Variants in GPLD1 observed in about 807,000 individuals in gnomAD.
GPLD1 encodes glycosylphosphatidylinositol specific phospholipase D1, also known as phosphatidylinositol-glycan-specific phospholipase D.
A neutral mutation model predicts 112.6 loss-of-function variants in GPLD1; 84 were observed. The observed-to-expected ratio is 0.75, with a 90% confidence interval of 0.63 to 0.89. The LOEUF is 0.89. GPLD1 is among the 40% of genes least tolerant of loss of function. The probability of loss-of-function intolerance (pLI) is 0.00; values close to 1 mark genes in which losing one functional copy is unlikely to be tolerated. For synonymous variants in GPLD1, 386 were observed against 403.8 expected (o/e 0.96, Z 0.53); for missense variants, 1,044 against 1,051.5 (o/e 0.99, Z 0.10).
chr6:24,445,663 T>G (rs371403371), intron 19 of GPLD1, 24 bp from the exon 20 acceptor site: 82 of 1,605,720 alleles, frequency 5.1e-5, no homozygotes, highest in Non-Finnish European at 6.1e-5. Flanking sequence ...TAAATCAATA[T>G]TGTATAGGTG....
At chr6:24,450,926 C>T (rs1024723183) in intron 14 of GPLD1, among the ~76,000 whole-genome samples, 3 of 152,204 alleles carry the variant, frequency 2.0e-5, no homozygotes, top group African/African-American at 7.2e-5. Flanking sequence ...GAGCCGAGAT[C>T]ATGCCACTGC....
intron 10 of GPLD1, among the ~76,000 whole-genome samples, chr6:24,464,283 G>A (rs2817244): frequency 1.3e-5 from 2 of 151,966 alleles, no homozygotes; most frequent in Non-Finnish European, 2.9e-5. Flanking sequence ...TATAGGTGAG[G>A]AAATAAGATT....
At position 24,440,909 on chromosome 6, in the gene GPLD1, C is replaced by T. The variant is rs529455374; in HGVS notation, c.2021-3620G>A. 4.6e-5 allele frequency among the ~76,000 whole-genome samples: 7 copies of T among 152,196 alleles called. No homozygotes were observed. In the South Asian group the frequency reaches 1.2e-3, roughly 27 times the overall value. ...CATTTAGGCTATTTCTAGCTTTTTA[C>T]TACTATAAACAATACAGCCATCCCT... On this transcript the variant is annotated intron_variant, in intron 20 of 24. Coordinates refer to ENST00000230036, the MANE Select transcript of GPLD1 (RefSeq NM_001503.4).
In GPLD1 at chr6:24,454,110, C is replaced by CGATGTG; in HGVS notation, c.1234_1239dup (p.His412_Ile413dup). 6.2e-7 allele frequency: 1 copy of CGATGTG among 1,614,060 alleles called. No homozygotes were observed. Among genetic ancestry groups the CGATGTG allele is most frequent in the Non-Finnish European group, 8.5e-7 (1 of 1,179,940 alleles). On this transcript the variant is annotated inframe_insertion, in exon 14 of 25. Transcript: ENST00000230036. Reference sequence around the variant, plus strand: ...TTGCCGTAGATGAGGTACACGCGCCCGATGTGGATGTGGCCGGGGCGGCTG... The same window carrying CGATGTG: ...TTGCCGTAGATGAGGTACACGCGCCCGATGTGGATGTGGATGTGGCCGGGGCGGCTG...
chr6:24,486,849 C>T (rs1764393872), intron 1 of GPLD1, among the ~76,000 whole-genome samples: 2 of 151,956 alleles, frequency 1.3e-5, no homozygotes, highest in Non-Finnish European at 2.9e-5. Flanking sequence ...TCATATTTTG[C>T]TTCAGTACTG....
At chr6:24,466,194 A>C (rs1420032623) in intron 10 of GPLD1, among the ~76,000 whole-genome samples, 1 of 152,248 alleles carries the variant, frequency 6.6e-6, no homozygotes, top group Non-Finnish European at 1.5e-5. Context: ...AAAATACAAA[A>C]AAATTAGCCA....
At chr6:24,473,820 T>TA (rs1238894116) in intron 5 of GPLD1, among the ~76,000 whole-genome samples, 153 bp from the exon 6 acceptor site, 2 of 151,914 alleles carry the variant, frequency 1.3e-5, no homozygotes, top group Admixed American at 6.6e-5. Flanking sequence ...ATTTTATTAG[T>TA]AAAAAAATAA....
chr6:24,447,153 C>T (rs1762936473), intron 17 of GPLD1, among the ~76,000 whole-genome samples, 174 bp from the exon 18 acceptor site: 1 of 152,122 alleles, frequency 6.6e-6, no homozygotes, highest in African/African-American at 2.4e-5. Context: ...TTGAATCTCA[C>T]TCTTCATACA....
At chr6:24,433,130 C>T in intron 24 of GPLD1, 57 bp downstream of exon 24, 2 of 1,176,424 alleles carry the variant, frequency 1.7e-6, no homozygotes, top group Non-Finnish European at 2.6e-6. Flanking sequence ...GTGAGACCAC[C>T]AAATCCCACC....
chr6:24,475,351 G>T, intron 4 of GPLD1, 120 bp from the exon 5 acceptor site: 1 of 640,634 alleles, frequency 1.6e-6, no homozygotes. Flanking sequence ...AAAATTTCAG[G>T]CAAGTAAATT....
At chr6:24,478,119 T>C (rs1214788443) in intron 3 of GPLD1, among the ~76,000 whole-genome samples, 2 of 152,172 alleles carry the variant, frequency 1.3e-5, no homozygotes, top group Non-Finnish European at 2.9e-5. Context: ...TTAAGCAATG[T>C]TGCTCAAATT....
intron 14 of GPLD1, among the ~76,000 whole-genome samples, chr6:24,451,332 CTT>C (rs76706819): frequency 0.034 from 5,206 of 151,674 alleles, 93 homozygotes; most frequent in Middle Eastern, 0.082. Context: ...AATTCTTTCT[CTT>C]TTTTTTGTTT....
At chr6:24,487,803 C>T (rs1180714771) in intron 1 of GPLD1, among the ~76,000 whole-genome samples, 1 of 152,166 alleles carries the variant, frequency 6.6e-6, no homozygotes, top group East Asian at 1.9e-4. Context: ...TCTAGCAGTA[C>T]ATTTTTAATG....
chr6:24,472,717 G>T, intron 6 of GPLD1, 81 bp from the exon 7 acceptor site: 1 of 784,080 alleles, frequency 1.3e-6, no homozygotes, highest in Non-Finnish European at 2.3e-6. Flanking sequence ...GGTCTGACAA[G>T]TTGGATTATT....
In GPLD1 at chr6:24,457,114, C is replaced by T. The variant is rs1763293336; in HGVS notation, c.1009-477G>A. On this transcript the variant is annotated intron_variant, in intron 12 of 24. Transcript: ENST00000230036. The stretch of plus-strand genomic sequence containing the variant: ...CGAATTCCTGACCTTAAGCAATCTA[C>T]CTGCCTCGGCTCCCCCAAAGTGCTG... Among the ~76,000 whole-genome samples, 3 of 152,304 alleles carry T rather than the reference C, an allele frequency of 2.0e-5. No individual in the cohort carries two copies. In the East Asian group the frequency reaches 5.8e-4, roughly 29 times the overall value.
At chr6:24,491,431 G>A (rs1340914616), upstream of GPLD1, among the ~76,000 whole-genome samples, 1 of 152,164 alleles carries the variant, frequency 6.6e-6, no homozygotes. Context: ...AGGTGTGGTG[G>A]CTCACGCCTA....
At chr6:24,461,363 A>G (rs1418633082) in intron 11 of GPLD1, among the ~76,000 whole-genome samples, 1 of 152,212 alleles carries the variant, frequency 6.6e-6, no homozygotes, top group Non-Finnish European at 1.5e-5. Flanking sequence ...AAAGTTACCC[A>G]ATTCAAATAC....
chr6:24,482,595 T>G (rs1388034741), intron 2 of GPLD1, among the ~76,000 whole-genome samples: 2 of 152,194 alleles, frequency 1.3e-5, no homozygotes, highest in Admixed American at 6.5e-5. Context: ...TTTGTATTCT[T>G]TAGTAGAGAC....
chr6:24,478,239 G>A (rs1440220338), intron 3 of GPLD1, among the ~76,000 whole-genome samples: 1 of 152,190 alleles, frequency 6.6e-6, no homozygotes, highest in Non-Finnish European at 1.5e-5. Context: ...TAATAGGTTA[G>A]AAAGGAGAAC....
Sources: allele counts gnomAD v4.1 joint callset (sites outside exome capture counted in the v4.1 genomes callset), GRCh38; gene constraint gnomAD v4.1.1; transcripts MANE v1.5; gene names NCBI Gene and HGNC (gene_info 2026-07-23, HGNC 2026-07-21).